GPC5: variants seen among roughly 807,000 people sequenced by gnomAD.
GPC5 encodes the protein glypican 5, also known as glypican-5.
A neutral mutation model predicts 53.9 loss-of-function variants in GPC5; 47 were observed. That is an observed-to-expected ratio of 0.87 (90% confidence interval 0.69 to 1.11). The LOEUF (loss-of-function observed/expected upper bound fraction) is 1.11, where lower values mean the gene tolerates loss of function less well. Ranked by LOEUF, GPC5 falls within the 50% of genes most tolerant of loss-of-function variation. The pLI, the probability that GPC5 is intolerant of heterozygous loss-of-function variation, is 0.00. For synonymous variants in GPC5, 286 were observed against 263.3 expected (o/e 1.09, Z -0.84); for missense variants, 748 against 713.1 (o/e 1.05, Z -0.56).
intron 7 of GPC5, among the ~76,000 whole-genome samples, chr13:92,695,485 G>C (rs1887531843): frequency 6.6e-6 from 1 of 151,866 alleles, no homozygotes; most frequent in South Asian, 2.1e-4. Context: ...GTAATAGATT[G>C]TATTTCCTTC....
At chr13:91,734,865 A>G (rs937496051) in intron 4 of GPC5, among the ~76,000 whole-genome samples, 1 of 145,482 alleles carries the variant, frequency 6.9e-6, no homozygotes, top group East Asian at 2.0e-4. Context: ...TGAAAAATGC[A>G]TTACCATATT....
chr13:91,984,145 A>C (rs1166806846), intron 6 of GPC5, among the ~76,000 whole-genome samples: 1 of 152,184 alleles, frequency 6.6e-6, no homozygotes, highest in Non-Finnish European at 1.5e-5. Context: ...CGGTGAAGTT[A>C]AGTCAACATT....
chr13:91,482,632 C>T (rs1031050127), intron 2 of GPC5, among the ~76,000 whole-genome samples: 2 of 152,158 alleles, frequency 1.3e-5, no homozygotes, highest in Non-Finnish European at 2.9e-5. Context: ...AGCAGGAGAA[C>T]CAGTGCCTTA....
At chr13:92,423,158 A>G (rs953805986) in intron 7 of GPC5, among the ~76,000 whole-genome samples, 11 of 152,162 alleles carry the variant, frequency 7.2e-5, no homozygotes, top group African/African-American at 1.7e-4. Context: ...TAATCTATTT[A>G]TAAGGGGTGT....
intron 6 of GPC5, among the ~76,000 whole-genome samples, chr13:92,059,589 T>C (rs961781803): frequency 2.0e-5 from 3 of 152,174 alleles, no homozygotes; most frequent in Non-Finnish European, 2.9e-5. Flanking sequence ...GATCTTTCCA[T>C]GTCAATACCT....
intron 2 of GPC5, among the ~76,000 whole-genome samples, chr13:91,490,461 A>G (rs1883880979): frequency 1.3e-5 from 2 of 152,082 alleles, no homozygotes; most frequent in South Asian, 4.1e-4. Context: ...TTAGGGTTTT[A>G]AGTTTTTTAT....
intron 7 of GPC5, among the ~76,000 whole-genome samples, chr13:92,639,251 T>A (rs947172647): frequency 6.6e-6 from 1 of 152,204 alleles, no homozygotes; most frequent in Non-Finnish European, 1.5e-5. Context: ...TCACTTTTTA[T>A]CCATTATAAT....
chr13:91,612,596 A>G lies in GPC5; in HGVS notation c.326-80591A>G, dbSNP rs149486642. Among the ~76,000 whole-genome samples the G allele has an allele frequency of 3.5e-3, 532 of 152,336 alleles. 2 individuals are homozygous for G. Among genetic ancestry groups the G allele is most frequent in the Middle Eastern group, 0.017 (5 of 294 alleles). ...ACGATGTTAGCGAGTGATGATACCC[A>G]TGGATTAAAACAAACAAACAAACAA... On this transcript the variant is annotated intron_variant, in intron 2 of 7. Coordinates refer to ENST00000377067, the MANE Select transcript of GPC5 (RefSeq NM_004466.6).
chr13:92,191,458 G>C (rs1203423404), intron 7 of GPC5, among the ~76,000 whole-genome samples: 1 of 152,132 alleles, frequency 6.6e-6, no homozygotes, highest in African/African-American at 2.4e-5. Context: ...CACTTTGAAA[G>C]AGAGTTTGTC....
intron 7 of GPC5, among the ~76,000 whole-genome samples, chr13:92,307,658 C>G (rs2043119467): frequency 6.6e-6 from 1 of 152,130 alleles, no homozygotes; most frequent in Admixed American, 6.5e-5. Context: ...AAACAAAAGT[C>G]ATAAAGAATG....
intron 5 of GPC5, among the ~76,000 whole-genome samples, chr13:91,781,081 G>A (rs1425104816): frequency 6.6e-6 from 1 of 152,206 alleles, no homozygotes; most frequent in African/African-American, 2.4e-5. Flanking sequence ...CTCTCCAGCT[G>A]ACTTGCTGTG....
At chr13:91,504,966 C>G (rs550816663) in intron 2 of GPC5, among the ~76,000 whole-genome samples, 75 of 152,102 alleles carry the variant, frequency 4.9e-4, no homozygotes, top group African/African-American at 1.7e-3. Context: ...AACAAACAAA[C>G]AAGCAAACAA....
chr13:91,672,641 T>C (rs1374634933), intron 2 of GPC5, among the ~76,000 whole-genome samples: 2 of 152,208 alleles, frequency 1.3e-5, no homozygotes, highest in Non-Finnish European at 2.9e-5. Flanking sequence ...GATGGAAATG[T>C]AAATTAGTTC....
chr13:92,121,146 A>C (rs1304375342), intron 6 of GPC5, among the ~76,000 whole-genome samples: 1 of 152,222 alleles, frequency 6.6e-6, no homozygotes. Flanking sequence ...ATATTATTGA[A>C]TACATTTCTA....
intron 6 of GPC5, among the ~76,000 whole-genome samples, chr13:92,048,871 G>T (rs1354399447): frequency 1.3e-5 from 2 of 152,094 alleles, no homozygotes; most frequent in Non-Finnish European, 2.9e-5. Flanking sequence ...CCTATGTATT[G>T]CTGGTCCTTA....
Position 92,041,707 on chromosome 13 carries a change from T to TG in GPC5, c.1402-103121dup, listed in dbSNP as rs1210653863. Reference sequence around the variant, plus strand: ...TTACGCCTTTATTCATCCACTGCTATGGTGCTAGCAAGAGGCCAGAAAGAA... The same window carrying TG: ...TTACGCCTTTATTCATCCACTGCTATGGGTGCTAGCAAGAGGCCAGAAAGAA... On this transcript the variant is annotated intron_variant, in intron 6 of 7. Coordinates refer to ENST00000377067, the MANE Select transcript of GPC5 (RefSeq NM_004466.6). Among the ~76,000 whole-genome samples, 20 of 152,304 alleles carry TG rather than the reference T, an allele frequency of 1.3e-4. No individual in the cohort carries two copies. The South Asian group carries it at 1.7e-3, about 13-fold the overall frequency.
intron 2 of GPC5, among the ~76,000 whole-genome samples, chr13:91,453,565 A>G (rs977763078): frequency 3.3e-5 from 5 of 151,976 alleles, no homozygotes; most frequent in African/African-American, 1.2e-4. Context: ...ATAAAGGCGT[A>G]TTGCTATTTT....
chr13:92,171,384 C>T (rs2042069644), intron 7 of GPC5, among the ~76,000 whole-genome samples: 1 of 144,796 alleles, frequency 6.9e-6, no homozygotes, highest in Non-Finnish European at 1.5e-5. Flanking sequence ...CACACACACA[C>T]CCCTATATTC....
intron 2 of GPC5, among the ~76,000 whole-genome samples, chr13:91,601,607 C>T (rs1349661898): frequency 6.6e-6 from 1 of 152,070 alleles, no homozygotes; most frequent in Non-Finnish European, 1.5e-5. Context: ...GTATTTGATT[C>T]TCATAGGAGT....
Sources: allele counts gnomAD v4.1 joint callset (sites outside exome capture counted in the v4.1 genomes callset), GRCh38; gene constraint gnomAD v4.1.1; transcripts MANE v1.5; gene names NCBI Gene and HGNC (gene_info 2026-07-23, HGNC 2026-07-21).